Variants in CFAP46 observed in about 807,000 individuals in gnomAD.
CFAP46 encodes cilia and flagella associated protein 46, also known as cilia- and flagella-associated protein 46.
Under a neutral mutation model 325.7 loss-of-function variants are expected in CFAP46, and 245 were observed. The observed-to-expected ratio is 0.75, with a 90% CI of 0.68 to 0.84. The LOEUF is 0.84. Among genes scored for constraint, CFAP46 ranks in the 40% least tolerant of loss-of-function variants. The pLI is 0.00. For synonymous variants in CFAP46, 1,523 were observed against 1,495.9 expected, an observed-to-expected ratio of 1.02 and a Z score of -0.42; for missense variants, 3,346 against 3,543.0, an observed-to-expected ratio of 0.94 and a Z score of 1.41.
Position 132,900,347 on chromosome 10 carries a change from G to A in CFAP46, c.2925-681C>T, listed in dbSNP as rs571895698. ...GCTCCACGGCTCCTCATCCCTGGAC[G>A]TTCGCTGCTCCAGGGCTGCCGTGGC... On this transcript the variant is annotated intron_variant, in intron 22 of 57. Transcript: ENST00000368586. Among the ~76,000 whole-genome samples, 19 of 152,350 alleles carry A rather than the reference G, an allele frequency of 1.2e-4. No homozygotes were observed. In the East Asian group the frequency reaches 2.5e-3, roughly 20 times the overall value.
At chr10:132,937,163 A>C (rs927616687) in intron 6 of CFAP46, 108 bp from the exon 7 acceptor site, 3 of 611,772 alleles carry the variant, frequency 4.9e-6, no homozygotes, top group Non-Finnish European at 7.7e-6. Context: ...CTAGCTTTTC[A>C]GATACAACTT....
intron 8 of CFAP46, among the ~76,000 whole-genome samples, chr10:132,930,547 C>T (rs566242762): frequency 2.2e-5 from 3 of 137,600 alleles, no homozygotes; most frequent in Non-Finnish European, 4.7e-5. Context: ...CCCCACACTC[C>T]GCACACAGAG....
Position 132,923,422 on chromosome 10 carries a change from T to C in CFAP46, c.1257-714A>G, listed in dbSNP as rs36115161. ...GGGGGTGCCCTGGAACCCCTGGCCT[T>C]GAGCAGCCATGTGGGGGTGCCCTGG... On this transcript the variant is annotated intron_variant, in intron 11 of 57. Coordinates refer to ENST00000368586, the MANE Select transcript of CFAP46 (RefSeq NM_001200049.3). Among the ~76,000 whole-genome samples, 153 of 94,316 alleles carry C rather than the reference T, an allele frequency of 1.6e-3. 1 individual carries two copies. The highest frequency in any genetic ancestry group is 2.7e-3 in the African/African-American group (64 of 23,274). The allele number at this position is 94,316 out of a possible 152,430, so 61.9% of individuals were successfully genotyped here.
chr10:132,812,960 G>T, intron 54 of CFAP46, 63 bp from the exon 55 acceptor site: 1 of 1,328,346 alleles, frequency 7.5e-7, no homozygotes, highest in Non-Finnish European at 1.1e-6. Context: ...CCCACCGTGC[G>T]TTCTTAAAGC....
Position 132,934,881 on chromosome 10 carries a change from G to C in CFAP46, c.756-19C>G, listed in dbSNP as rs141141223. 1.6e-4 allele frequency: 225 copies of C among 1,398,544 alleles called. No individual in the cohort carries two copies. In the African/African-American group the frequency reaches 2.7e-3, roughly 17 times the overall value. 86.6% of individuals were successfully genotyped at this position (1,398,544 alleles called of 1,614,324 possible). A position where few individuals can be genotyped will look rare whatever the true frequency, so the allele number is the denominator to read the frequency against. ...CGCTTTTCTAGAAATAATTCAGAGA[G>C]TAATTCAGCACAAGATCCTGTCAGA... On this transcript the variant is annotated intron_variant, in intron 7 of 57. Transcript: ENST00000368586.
chr10:132,841,731 G>T (rs1848348103), intron 44 of CFAP46, among the ~76,000 whole-genome samples: 1 of 152,200 alleles, frequency 6.6e-6, no homozygotes, highest in Admixed American at 6.5e-5. Flanking sequence ...ACCTTCTTGA[G>T]CTGTGGGTCT....
At chr10:132,860,263 C>T (rs879791628) in intron 37 of CFAP46, among the ~76,000 whole-genome samples, 154 bp downstream of exon 37, 16 of 152,218 alleles carry the variant, frequency 1.1e-4, no homozygotes, top group Non-Finnish European at 2.4e-4. Flanking sequence ...ACTTCTGGAG[C>T]TTTCTGGAGC....
intron 29 of CFAP46, among the ~76,000 whole-genome samples, chr10:132,878,983 C>T (rs11146558): frequency 0.01 from 1,598 of 152,294 alleles, 24 homozygotes; most frequent in African/African-American, 0.035. Flanking sequence ...GGGAAGAAGG[C>T]TCTGGAAGCC....
intron 31 of CFAP46, among the ~76,000 whole-genome samples, chr10:132,873,182 C>T (rs563561298): frequency 3.9e-5 from 6 of 152,236 alleles, no homozygotes; most frequent in African/African-American, 1.4e-4. Flanking sequence ...TGTGTGCACA[C>T]ACAACCACTT....
At chr10:132,823,182 C>CTGA (rs146532380) in intron 50 of CFAP46, among the ~76,000 whole-genome samples, 68,935 of 114,708 alleles carry the variant, frequency 0.6, 21,140 homozygotes, top group Admixed American at 0.69. Context: ...TGTCTGTGCG[C>CTGA]TGTGTGCTGA....
chr10:132,858,507 G>A (rs1432041629), intron 38 of CFAP46, among the ~76,000 whole-genome samples: 1 of 152,046 alleles, frequency 6.6e-6, no homozygotes, highest in Non-Finnish European at 1.5e-5. Flanking sequence ...GGGTGGGAGT[G>A]GCTGGCAGCT....
intron 31 of CFAP46, among the ~76,000 whole-genome samples, chr10:132,873,407 C>G (rs1848920579): frequency 6.6e-6 from 1 of 151,942 alleles, no homozygotes; most frequent in Admixed American, 6.6e-5. Flanking sequence ...CTATCAGGCA[C>G]TGAGGCATCC....
intron 50 of CFAP46, among the ~76,000 whole-genome samples, chr10:132,833,023 A>C (rs946357748): frequency 6.6e-6 from 1 of 151,144 alleles, no homozygotes; most frequent in African/African-American, 2.4e-5. Flanking sequence ...CCCAGGCTGG[A>C]GTGCAGTGGC....
intron 44 of CFAP46, 110 bp from the exon 45 acceptor site, chr10:132,837,024 T>C: frequency 1.2e-6 from 1 of 848,686 alleles, no homozygotes; most frequent in East Asian, 2.6e-5. Flanking sequence ...GCGGGGGCTT[T>C]GTACCCTTCC....
chr10:132,823,180 CGCTGTGT>C (rs775956687), intron 50 of CFAP46, among the ~76,000 whole-genome samples: 230 of 53,166 alleles, frequency 4.3e-3, no homozygotes, highest in Middle Eastern at 0.02. Context: ...GCTGTCTGTG[CGCTGTGT>C]GCTGATGTGT....
intron 23 of CFAP46, among the ~76,000 whole-genome samples, 193 bp downstream of exon 23, chr10:132,899,342 T>C (rs1420186792): frequency 2.0e-5 from 3 of 152,054 alleles, no homozygotes; most frequent in Non-Finnish European, 4.4e-5. Flanking sequence ...GGAGCCCAGG[T>C]GGGTACAAGG....
At chr10:132,857,438 T>G (rs1483402103) in intron 39 of CFAP46, 152 bp downstream of exon 39, 3 of 731,090 alleles carry the variant, frequency 4.1e-6, no homozygotes, top group Non-Finnish European at 6.6e-6. Flanking sequence ...CACTGTTTGT[T>G]TTTTTGTTGT....
intron 50 of CFAP46, among the ~76,000 whole-genome samples, chr10:132,831,869 T>C (rs1441087205): frequency 1.3e-5 from 2 of 152,220 alleles, no homozygotes; most frequent in East Asian, 1.9e-4. Flanking sequence ...TTCTTCGTTA[T>C]GTATTTGCTA....
chr10:132,857,073 A>G (rs1676432064), intron 39 of CFAP46, among the ~76,000 whole-genome samples: 2 of 152,202 alleles, frequency 1.3e-5, no homozygotes, highest in South Asian at 4.1e-4. Context: ...AGGTTTTCCA[A>G]TCCGGCTGGT....
Sources: allele counts gnomAD v4.1 joint callset (sites outside exome capture counted in the v4.1 genomes callset), GRCh38; gene constraint gnomAD v4.1.1; transcripts MANE v1.5; gene names NCBI Gene and HGNC (gene_info 2026-07-23, HGNC 2026-07-21).